The following WDR7 variants were observed in gnomAD, a reference collection of about 807,000 sequenced individuals.
The protein encoded by WDR7 is WD repeat domain 7.
In WDR7, 46 loss-of-function variants were observed where a neutral mutation model predicts 169.4. The observed-to-expected ratio is 0.27, with a 90% CI of 0.21 to 0.35. The LOEUF (loss-of-function observed/expected upper bound fraction) is 0.35, where lower values mean the gene tolerates loss of function less well. Among genes scored for constraint, WDR7 ranks in the 10% least tolerant of loss-of-function variants. WDR7 has a pLI of 1.00. For missense variants in WDR7, 1,534 were observed against 1,859.3 expected, an observed-to-expected ratio of 0.83 and a Z score of 3.22; for synonymous variants, 612 against 666.8, an observed-to-expected ratio of 0.92 and a Z score of 1.27.
At chr18:57,018,353 T>G (rs985335477) in intron 26 of WDR7, among the ~76,000 whole-genome samples, 6 of 152,220 alleles carry the variant, frequency 3.9e-5, no homozygotes, top group African/African-American at 1.4e-4. Context: ...AACTTTGAAT[T>G]TTGAATCAAA....
intron 25 of WDR7, among the ~76,000 whole-genome samples, chr18:56,961,131 T>TTATGAAATA (rs1158473348): frequency 6.6e-6 from 1 of 152,106 alleles, no homozygotes; most frequent in Admixed American, 6.6e-5. Flanking sequence ...TTTTCCAGAT[T>TTATGAAATA]TATGAAATAT....
At chr18:56,788,059 G>C (rs2044429425) in intron 19 of WDR7, among the ~76,000 whole-genome samples, 1 of 152,098 alleles carries the variant, frequency 6.6e-6, no homozygotes, top group African/African-American at 2.4e-5. Context: ...CTGTGAGATA[G>C]TTGTTTTTAA....
chr18:56,743,525 G>A (rs920610880), intron 14 of WDR7, among the ~76,000 whole-genome samples: 6 of 152,176 alleles, frequency 3.9e-5, no homozygotes, highest in African/African-American at 1.2e-4. Context: ...TGTGTCAAAT[G>A]CAGTAGATGT....
intron 12 of WDR7, among the ~76,000 whole-genome samples, chr18:56,715,555 C>T (rs537484761): frequency 2.0e-5 from 3 of 152,002 alleles, no homozygotes; most frequent in Non-Finnish European, 4.4e-5. Flanking sequence ...GGTCAGTGGC[C>T]AGGCGCGGTG....
chr18:56,662,402 A>G (rs1475481655), intron 1 of WDR7, among the ~76,000 whole-genome samples: 2 of 152,254 alleles, frequency 1.3e-5, no homozygotes, highest in East Asian at 3.8e-4. Flanking sequence ...TACATGGGAT[A>G]GTGTGAAACA....
At chr18:56,933,303 T>C (rs1263784865) in intron 22 of WDR7, among the ~76,000 whole-genome samples, 1 of 152,172 alleles carries the variant, frequency 6.6e-6, no homozygotes, top group Non-Finnish European at 1.5e-5. Flanking sequence ...GATGCAATCC[T>C]CAGTAGTTCA....
At chr18:56,887,103 TA>T (rs774711037) in intron 21 of WDR7, among the ~76,000 whole-genome samples, 2 of 152,006 alleles carry the variant, frequency 1.3e-5, no homozygotes, top group African/African-American at 4.8e-5. Context: ...AGGAAAGAAT[TA>T]GGGGAAAAAA....
intron 26 of WDR7, among the ~76,000 whole-genome samples, chr18:57,009,177 G>A (rs574075271): frequency 6.6e-6 from 1 of 152,262 alleles, no homozygotes; most frequent in African/African-American, 2.4e-5. Context: ...GAAAAATGTT[G>A]GATGTTATAT....
Position 56,751,323 on chromosome 18 carries a change from A to G in WDR7, c.1990-5260A>G, listed in dbSNP as rs376512500. 1.2e-4 allele frequency among the ~76,000 whole-genome samples: 19 copies of G among 152,186 alleles called. 1 individual carries two copies. In the East Asian group the frequency reaches 2.1e-3, roughly 17 times the overall value. On this transcript the variant is annotated intron_variant, in intron 14 of 27. Coordinates refer to ENST00000254442, the MANE Select transcript of WDR7 (RefSeq NM_015285.3). ...GGGTTGACACCAGGTGAGAGAGCTT[A>G]AAGGGCTATCTTGAGGCTACCACTC...
intron 19 of WDR7, among the ~76,000 whole-genome samples, chr18:56,810,946 G>A (rs2044858432): frequency 1.4e-5 from 2 of 146,448 alleles, no homozygotes; most frequent in African/African-American, 5.1e-5. Flanking sequence ...TCCATGTTCT[G>A]TCCACCCACC....
intron 19 of WDR7, among the ~76,000 whole-genome samples, chr18:56,807,735 A>AACTCG (rs201384856): frequency 0.059 from 8,918 of 151,368 alleles, 319 homozygotes; most frequent in Non-Finnish European, 0.08. Flanking sequence ...CAAAGATCAA[A>AACTCG]ACTCGTGTTA....
intron 14 of WDR7, among the ~76,000 whole-genome samples, chr18:56,739,081 C>T (rs2043572948): frequency 6.6e-6 from 1 of 151,680 alleles, no homozygotes; most frequent in East Asian, 1.9e-4. Context: ...CTATTATGGC[C>T]ACTGCTAATC....
chr18:57,011,791 G>C (rs759724511), intron 26 of WDR7, among the ~76,000 whole-genome samples: 2 of 148,968 alleles, frequency 1.3e-5, no homozygotes, highest in Non-Finnish European at 3.0e-5. Context: ...AATAAGAAAA[G>C]CTGAGTTCTT....
At chr18:56,980,072 C>T (rs942715514) in intron 26 of WDR7, among the ~76,000 whole-genome samples, 2 of 152,206 alleles carry the variant, frequency 1.3e-5, no homozygotes, top group Non-Finnish European at 1.5e-5. Context: ...ATGGCAATTA[C>T]ACATGCTCCA....
At chr18:56,830,251 C>G (rs2045284910) in intron 20 of WDR7, among the ~76,000 whole-genome samples, 2 of 152,148 alleles carry the variant, frequency 1.3e-5, no homozygotes, top group Non-Finnish European at 2.9e-5. Flanking sequence ...TACGATTCAT[C>G]ATAAAATGAC....
At chr18:56,792,087 G>A (rs1020696467) in intron 19 of WDR7, among the ~76,000 whole-genome samples, 3 of 152,042 alleles carry the variant, frequency 2.0e-5, no homozygotes, top group African/African-American at 4.8e-5. Context: ...GCACGATCAC[G>A]GCTGACTGCA....
At chr18:56,750,449 T>A (rs980410491) in intron 14 of WDR7, among the ~76,000 whole-genome samples, 2 of 152,224 alleles carry the variant, frequency 1.3e-5, no homozygotes, top group African/African-American at 4.8e-5. Context: ...CCTAGTTGGC[T>A]TTCTTCATAA....
chr18:56,917,027 C>G (rs2046637792), intron 21 of WDR7, among the ~76,000 whole-genome samples: 1 of 152,136 alleles, frequency 6.6e-6, no homozygotes, highest in African/African-American at 2.4e-5. Context: ...GAAACCCTGT[C>G]TGTACTAAAG....
chr18:56,803,149 A>AT (rs769683172), intron 19 of WDR7, among the ~76,000 whole-genome samples: 9 of 152,212 alleles, frequency 5.9e-5, no homozygotes, highest in Admixed American at 1.3e-4. Context: ...TATCTATAAA[A>AT]TAACTGAATA....
Sources: gnomAD v4.1 joint callset for allele counts (sites outside exome capture counted in the v4.1 genomes callset) on GRCh38, gnomAD v4.1.1 for gene constraint, MANE v1.5 for transcripts, NCBI Gene and HGNC (gene_info 2026-07-23, HGNC 2026-07-21) for gene names.